The following NALF1 variants were observed in gnomAD, a reference collection of about 807,000 sequenced individuals.
NALF1 encodes family with sequence similarity 155 member A.
Under a neutral mutation model 48.4 loss-of-function variants are expected in NALF1, and 3 were observed. The observed-to-expected ratio is 0.06, with a 90% CI of 0.03 to 0.16. The LOEUF is 0.16. Ranked by LOEUF, NALF1 falls within the 10% of genes least tolerant of loss-of-function variation. The pLI, the probability that NALF1 is intolerant of heterozygous loss-of-function variation, is 1.00. For synonymous variants in NALF1, 262 were observed against 245.7 expected, an observed-to-expected ratio of 1.07 and a Z score of -0.62; for missense variants, 526 against 571.5, an observed-to-expected ratio of 0.92 and a Z score of 0.81.
chr13:107,732,888 A>T lies in NALF1; in HGVS notation c.915+132794T>A, dbSNP rs549172570. Among the ~76,000 whole-genome samples, 20 of 152,298 alleles carry T rather than the reference A, an allele frequency of 1.3e-4. No homozygotes were observed. The South Asian group carries it at 1.9e-3, about 14-fold the overall frequency. On this transcript the variant is annotated intron_variant, in intron 1 of 2. Transcript: ENST00000375915. The stretch of plus-strand genomic sequence containing the variant: ...CGTCCATAAAGACACATATGGACAA[A>T]CTTTCTACCCGTCTGGTAAAAAGAA...
At chr13:107,379,974 G>T (rs1883402714) in intron 1 of NALF1, among the ~76,000 whole-genome samples, 1 of 152,188 alleles carries the variant, frequency 6.6e-6, no homozygotes, top group Non-Finnish European at 1.5e-5. Flanking sequence ...TCTTCCAGAG[G>T]CACAGGCTTA....
At chr13:107,758,523 C>A (rs1877178686) in intron 1 of NALF1, among the ~76,000 whole-genome samples, 1 of 151,956 alleles carries the variant, frequency 6.6e-6, no homozygotes, top group African/African-American at 2.4e-5. Flanking sequence ...AGATAGAGAC[C>A]ATCCTGGCTA....
chr13:107,443,124 G>A (rs889622858), intron 1 of NALF1, among the ~76,000 whole-genome samples: 3 of 152,074 alleles, frequency 2.0e-5, no homozygotes, highest in African/African-American at 7.2e-5. Context: ...CATTACAATA[G>A]TATCAGAAAC....
chr13:107,719,373 T>A (rs1430202100), intron 1 of NALF1, among the ~76,000 whole-genome samples: 2 of 152,176 alleles, frequency 1.3e-5, no homozygotes, highest in African/African-American at 2.4e-5. Flanking sequence ...CCCCATGTAA[T>A]CTCTCTAAAG....
chr13:107,554,453 A>G (rs1016645825), intron 1 of NALF1, among the ~76,000 whole-genome samples: 8 of 152,146 alleles, frequency 5.3e-5, no homozygotes, highest in Admixed American at 2.6e-4. Flanking sequence ...TTCTGCACAA[A>G]ACACAGGGTG....
At chr13:107,182,713 T>C (rs1046630204) in intron 2 of NALF1, among the ~76,000 whole-genome samples, 10 of 152,330 alleles carry the variant, frequency 6.6e-5, no homozygotes, top group Admixed American at 3.9e-4. Flanking sequence ...AATGAGAAAA[T>C]TGACGAAGTT....
chr13:107,866,729 TTCTCTC>T lies in NALF1; in HGVS notation c.-139_-134del, dbSNP rs1880745698. Reference sequence around the variant, plus strand: ...CGTTTCTTCTCTCTCCTCTCTCTCTTTCTCTCTCTTCCCCTCTCCCTCTCTCCTCTC... The same window carrying T: ...CGTTTCTTCTCTCTCCTCTCTCTCTTTCTTCCCCTCTCCCTCTCTCCTCTC... On this transcript the variant is annotated 5_prime_UTR_variant, in exon 1 of 3. Coordinates refer to ENST00000375915, the MANE Select transcript of NALF1 (RefSeq NM_001080396.3). The surrounding 1 kb of genome is among the most constrained non-coding windows in gnomAD (Gnocchi z 4.4). 3.3e-6 allele frequency: 2 copies of T among 615,350 alleles called. No individual in the cohort carries two copies. The highest frequency in any genetic ancestry group is 5.6e-6 in the Non-Finnish European group (2 of 356,806). 38.1% of individuals were successfully genotyped at this position (615,350 alleles called of 1,614,324 possible).
At chr13:107,311,023 AG>A (rs1320265646) in intron 1 of NALF1, among the ~76,000 whole-genome samples, 2 of 152,234 alleles carry the variant, frequency 1.3e-5, no homozygotes, top group Non-Finnish European at 2.9e-5. Context: ...AAATATGGCT[AG>A]GGAAAAAAAG....
At chr13:107,633,780 GAT>G (rs1274640311) in intron 1 of NALF1, among the ~76,000 whole-genome samples, 3 of 140,622 alleles carry the variant, frequency 2.1e-5, no homozygotes, top group Admixed American at 7.2e-5. Flanking sequence ...TTTATATATG[GAT>G]ATATATATAT....
intron 1 of NALF1, among the ~76,000 whole-genome samples, chr13:107,298,929 A>G (rs7999230): frequency 0.27 from 40,436 of 151,762 alleles, 5,751 homozygotes; most frequent in Non-Finnish European, 0.3. Context: ...GTCTCTCCAA[A>G]TTTTACCATT....
In NALF1 at chr13:107,569,450, C is replaced by T. The variant is rs926344918; in HGVS notation, c.915+296232G>A. Among the ~76,000 whole-genome samples the T allele has an allele frequency of 6.6e-5, 10 of 151,482 alleles. No individual in the cohort carries two copies. The South Asian group carries it at 1.3e-3, about 19-fold the overall frequency. Reference sequence around the variant, plus strand: ...TGGCGCCACCGCACTCCAGCCTGGGCGACACAGCGAGACTCCGTCTCAAAA... The same window carrying T: ...TGGCGCCACCGCACTCCAGCCTGGGTGACACAGCGAGACTCCGTCTCAAAA... On this transcript the variant is annotated intron_variant, in intron 1 of 2. Transcript: ENST00000375915.
intron 1 of NALF1, among the ~76,000 whole-genome samples, chr13:107,648,967 A>C (rs1290768828): frequency 6.6e-6 from 1 of 152,034 alleles, no homozygotes. Context: ...CTTATTTGTC[A>C]TCTTAATATT....
At chr13:107,347,855 T>C (rs1468962369) in intron 1 of NALF1, among the ~76,000 whole-genome samples, 1 of 152,210 alleles carries the variant, frequency 6.6e-6, no homozygotes, top group Admixed American at 6.5e-5. Flanking sequence ...GTGCATGAAA[T>C]GTTCCAAGCT....
At chr13:107,447,183 C>T (rs547322003) in intron 1 of NALF1, among the ~76,000 whole-genome samples, 3 of 152,218 alleles carry the variant, frequency 2.0e-5, no homozygotes, top group African/African-American at 7.2e-5. Context: ...GCCTCCTCCT[C>T]GTCCTCCTTC....
intron 1 of NALF1, among the ~76,000 whole-genome samples, chr13:107,795,960 C>T (rs997686348): frequency 5.9e-5 from 9 of 152,056 alleles, no homozygotes; most frequent in Non-Finnish European, 1.2e-4. Flanking sequence ...AATCACCTAT[C>T]ACAGCAGATT....
intron 1 of NALF1, among the ~76,000 whole-genome samples, chr13:107,256,678 A>T (rs1415500192): frequency 6.7e-6 from 1 of 149,398 alleles, no homozygotes; most frequent in Non-Finnish European, 1.5e-5. Context: ...AACAACCAAT[A>T]AAAGTTGGGA....
chr13:107,514,607 T>C (rs1169946293), intron 1 of NALF1, among the ~76,000 whole-genome samples: 1 of 152,224 alleles, frequency 6.6e-6, no homozygotes, highest in African/African-American at 2.4e-5. Flanking sequence ...GTAAATTTTC[T>C]TGCACACCTG....
intron 1 of NALF1, among the ~76,000 whole-genome samples, chr13:107,392,228 G>C (rs1883638517): frequency 6.6e-6 from 1 of 151,972 alleles, no homozygotes; most frequent in African/African-American, 2.4e-5. Flanking sequence ...GGGTGCTTTT[G>C]TGCAATCTTC....
At chr13:107,550,418 T>C (rs1037715737) in intron 1 of NALF1, among the ~76,000 whole-genome samples, 10 of 152,150 alleles carry the variant, frequency 6.6e-5, no homozygotes, top group Admixed American at 2.6e-4. Flanking sequence ...AGATTTCTAA[T>C]CATTTTTAAT....
Sources: allele counts gnomAD v4.1 joint callset (sites outside exome capture counted in the v4.1 genomes callset), GRCh38; gene constraint gnomAD v4.1.1; non-coding constraint Gnocchi (gnomAD v3.1); transcripts MANE v1.5; gene names NCBI Gene and HGNC (gene_info 2026-07-23, HGNC 2026-07-21).